Variants in TTN observed in about 807,000 individuals in gnomAD.
TTN encodes the protein titin, also known as connectin.
In TTN, 1,525 loss-of-function variants were observed where a neutral mutation model predicts 3,223.0. The ratio of observed to expected loss-of-function variants is 0.47; its 90% CI spans 0.45 to 0.49. The LOEUF is 0.49. Ranked by LOEUF, TTN falls within the 20% of genes least tolerant of loss-of-function variation. The pLI, the probability that TTN is intolerant of heterozygous loss-of-function variation, is 0.00. For missense variants in TTN, 40,786 were observed against 43,424.0 expected (o/e 0.94, Z 5.40); for synonymous variants, 14,094 against 15,161.0 (o/e 0.93, Z 5.17).
At chr2:178,796,501 T>C (rs539888743) in intron 6 of TTN, among the ~76,000 whole-genome samples, 1 of 152,234 alleles carries the variant, frequency 6.6e-6, no homozygotes, top group Non-Finnish European at 1.5e-5. Context: ...ATGGCTTTTT[T>C]TGTGTGAAAA....
chr2:178,775,811 A>G lies in TTN; in HGVS notation c.6053T>C (p.Leu2018Pro). ...GGATTCATCCTTCTTTCGAGACTTG[A>G]GCTCCACAGCGGTAATGGCTTCATA... ...GYYEAITAVE[L>P]KSRKKDESYE... Residue 2018 changes from leucine to proline, a missense_variant, in exon 28 of 363, where the codon CTC (leucine) becomes CCC (proline). By Grantham distance (98) the Leu-to-Pro change is moderately conservative. Coordinates refer to ENST00000589042, the MANE Select transcript of TTN (RefSeq NM_001267550.2). The G allele has an allele frequency of 6.2e-7, 1 of 1,613,516 alleles. No homozygotes were observed. Among genetic ancestry groups the G allele is most frequent in the Non-Finnish European group, 8.5e-7 (1 of 1,179,850 alleles).
rs370687831 is a variant in TTN, at chr2:178,588,078, G to A, written c.63329C>T (p.Ala21110Val). Residue 21110 changes from alanine to valine, a missense_variant, in exon 305 of 363, where the codon GCG (alanine) becomes GTG (valine). Physicochemically the swap from Ala to Val is moderately conservative, Grantham distance 64. Coordinates refer to ENST00000589042, the MANE Select transcript of TTN (RefSeq NM_001267550.2). ...VVEMRPKIADASPDEGWKRCN... is the reference protein window; with the variant it reads ...VVEMRPKIADVSPDEGWKRCN... ...CCGTTTCCAGCCTTCATCAGGAGAC[G>A]CATCTGCTATTTTTGGTCTCATTTC... 197 of 1,612,854 alleles carry A rather than the reference G, an allele frequency of 1.2e-4. No homozygotes were observed. Among genetic ancestry groups the A allele is most frequent in the Non-Finnish European group, 1.6e-4 (183 of 1,179,298 alleles).
chr2:178,609,838 C>T lies in TTN; in HGVS notation c.51585G>A (p.Lys17195=). ...EKIAKGEERW[K]RCNEHLVPIL... ...TTGGTACCAGGTGTTCATTGCATCT[C>T]TTCCACCTTTCTTCACCCTTAGCAA... The change falls in exon 272 of 363, where the codon AAG becomes AAA. Residue 17195 remains lysine, a synonymous_variant. Coordinates refer to ENST00000589042, the MANE Select transcript of TTN (RefSeq NM_001267550.2). The T allele has an allele frequency of 1.2e-6, 2 of 1,612,994 alleles. No individual in the cohort carries two copies. Among genetic ancestry groups the T allele is most frequent in the Non-Finnish European group, 1.7e-6 (2 of 1,179,268 alleles).
intron 2 of TTN, among the ~76,000 whole-genome samples, chr2:178,804,313 C>G (rs2094209913): frequency 6.6e-6 from 1 of 152,132 alleles, no homozygotes; most frequent in Admixed American, 6.6e-5. Context: ...TAATCCAACA[C>G]TAATTATTTT....
rs781076407 is a variant in TTN at position 178,566,163 on chromosome 2, C to A, written c.79969G>T (p.Asp26657Tyr). The A allele has an allele frequency of 1.5e-5, 25 of 1,613,550 alleles. No homozygotes were observed. Among genetic ancestry groups the A allele is most frequent in the Non-Finnish European group, 1.9e-5 (23 of 1,179,688 alleles). Reference protein sequence around the residue: ...QLSIDNCDRNDAGKYILKLEN... With the variant: ...QLSIDNCDRNYAGKYILKLEN... Reference sequence around the variant, plus strand: ...AACTTAAGAATGTATTTTCCAGCATCATTTCTATCACAGTTATCTATTGAT... The same window carrying A: ...AACTTAAGAATGTATTTTCCAGCATAATTTCTATCACAGTTATCTATTGAT... The change falls in exon 326 of 363, where the codon GAT (aspartate) becomes TAT (tyrosine). Residue 26657 changes from aspartate to tyrosine, a missense_variant. By Grantham distance (160) the Asp-to-Tyr change is radical. Coordinates refer to ENST00000589042, the MANE Select transcript of TTN (RefSeq NM_001267550.2).
In TTN at chr2:178,712,517, G is replaced by C; in HGVS notation, c.27405C>G (p.Phe9135Leu). The C allele has an allele frequency of 1.2e-6, 2 of 1,613,712 alleles. No individual in the cohort carries two copies. The highest frequency in any genetic ancestry group is 1.7e-6 in the Non-Finnish European group (2 of 1,179,762). Residue 9135 changes from phenylalanine (F) to leucine (L), a missense_variant, in exon 95 of 363, where the codon TTC becomes TTG. Coordinates refer to ENST00000589042, the MANE Select transcript of TTN (RefSeq NM_001267550.2). ...KGKPLILEGT[F>L]TGTPPISVTW... ...TAACCGAAATGGGAGGAGTTCCAGTGAATGTACCCTCTAGGATCAGGGGTT... is the reference window on the plus strand; with the variant it reads ...TAACCGAAATGGGAGGAGTTCCAGTCAATGTACCCTCTAGGATCAGGGGTT...
At chr2:178,644,272 A>G (rs752360596) in intron 218 of TTN, 51 of 292,652 alleles carry the variant, frequency 1.7e-4, no homozygotes, top group Non-Finnish European at 2.9e-4. Context: ...TTGGCTAACC[A>G]GTAAAATTTG....
In TTN at chr2:178,589,330, G is replaced by A; in HGVS notation, c.62395C>T (p.Pro20799Ser). ...TTGTCCTTGGTCCATGCAACTTCTG[G>A]GAATGGTTTGCCTCTAACCCCTGCC... ...LEAGVRGKPF[P>S]EVAWTKDKDA... Residue 20799 changes from proline to serine, a missense_variant, in exon 304 of 363, where the codon CCA becomes TCA. Transcript: ENST00000589042. 3.1e-6 allele frequency: 5 copies of A among 1,612,684 alleles called. No homozygotes were observed. The highest frequency in any genetic ancestry group is 4.2e-6 in the Non-Finnish European group (5 of 1,179,142).
In TTN at chr2:178,583,915, A is replaced by C. The variant is rs764622661; in HGVS notation, c.65276-9T>G. On this transcript the variant is annotated splice_polypyrimidine_tract_variant and intron_variant, in intron 311 of 362. Coordinates refer to ENST00000589042, the MANE Select transcript of TTN (RefSeq NM_001267550.2). ...AGGTTTCCCAGGAGGATCTAAAACA[A>C]AAAGAGGTACACTCACCATTTATCT... is the stretch of plus-strand genomic sequence containing the variant. 3 of 1,544,710 alleles carry C rather than the reference A, an allele frequency of 1.9e-6. No individual in the cohort carries two copies. The highest frequency in any genetic ancestry group is 2.6e-6 in the Non-Finnish European group (3 of 1,141,932).
chr2:178,540,239 C>A lies in TTN; in HGVS notation c.97927G>T (p.Asp32643Tyr), dbSNP rs188081737. 2.5e-6 allele frequency: 4 copies of A among 1,613,766 alleles called. No individual in the cohort carries two copies. In the South Asian group the frequency reaches 3.3e-5, roughly 13 times the overall value. Residue 32643 changes from aspartate (D) to tyrosine (Y), a missense_variant, in exon 351 of 363, where the codon GAT (aspartate) becomes TAT (tyrosine). Physicochemically the swap from Asp to Tyr is radical, Grantham distance 160 (BLOSUM62 -3). Transcript: ENST00000589042. The part of the protein sequence containing the change: ...TGYLIEMQKV[D>Y]QHEWTKCNTT... Reference sequence around the variant, plus strand: ...TTACACTTGGTCCATTCATGTTGATCTACTTTTTGCATTTCAATCAAGTAG... The same window carrying A: ...TTACACTTGGTCCATTCATGTTGATATACTTTTTGCATTTCAATCAAGTAG...
intron 115 of TTN, 123 bp downstream of exon 115, chr2:178,695,225 C>T (rs541095714): frequency 3.0e-6 from 2 of 669,040 alleles, no homozygotes; most frequent in Admixed American, 3.0e-5. Context: ...AAATCATTCA[C>T]AATAAAGCTT....
rs527850233 is a variant in TTN at position 178,723,485 on chromosome 2, C to T, written c.21615G>A (p.Gly7205=). The T allele has an allele frequency of 5.6e-6, 9 of 1,613,242 alleles. No homozygotes were observed. The South Asian group carries it at 9.9e-5, about 18-fold the overall frequency. The change falls in exon 74 of 363, where the codon GGG becomes GGA. Residue 7205 remains glycine (G), a synonymous_variant. Transcript: ENST00000589042. ...ELFNIDISQS[G]EYTCVVSNNA... is the part of the protein sequence containing the mutation. ...TGTTAGAAACCACACAGGTGTATTC[C>T]CCACTCTGAGATATGTCAATATTAA...
rs1218286270 is a variant in TTN at position 178,573,487 on chromosome 2, A to C, written c.72645T>G (p.Leu24215=). ...VGEPLESEPV[L]AVNPYGPPDP... is the part of the protein sequence containing the mutation. ...CAGGGGGTCCATAAGGATTCACTGC[A>C]AGCACAGGCTCTGATTCCAGTGGCT... The change falls in exon 326 of 363, where the codon CTT becomes CTG. Residue 24215 remains leucine (L), a synonymous_variant. Coordinates refer to ENST00000589042, the MANE Select transcript of TTN (RefSeq NM_001267550.2). 10 of 1,504,360 alleles carry C rather than the reference A, an allele frequency of 6.6e-6. No homozygotes were observed. Among genetic ancestry groups the C allele is most frequent in the Non-Finnish European group, 8.0e-6 (9 of 1,130,580 alleles). The allele number at this position is 1,504,360 out of a possible 1,614,324, so 93.2% of individuals were successfully genotyped here. A position where few individuals can be genotyped will look rare whatever the true frequency, so the allele number is the denominator to read the frequency against.
intron 314 of TTN, 38 bp downstream of exon 314, chr2:178,582,258 A>C (rs1239876326): frequency 6.3e-7 from 1 of 1,576,036 alleles, no homozygotes; most frequent in African/African-American, 1.4e-5. Context: ...AGATAATTTT[A>C]AAAAATAAAA....
rs1225875807 is a variant in TTN, at chr2:178,574,117, T to A, written c.72015A>T (p.Ala24005=). The part of the protein sequence containing the change: ...YEFRVIAKNA[A]GAISPPSEPS... ...GCTCAGATGGTGGACTGATGGCACC[T>A]GCAGCATTTTTGGCGATCACACGGA... The change falls in exon 326 of 363, where the codon GCA becomes GCT. Residue 24005 remains alanine (A), a synonymous_variant. Coordinates refer to ENST00000589042, the MANE Select transcript of TTN (RefSeq NM_001267550.2). 1.9e-6 allele frequency: 3 copies of A among 1,613,610 alleles called. No homozygotes were observed.
At position 178,613,207 on chromosome 2, in the gene TTN, T is replaced by C; in HGVS notation, c.49602A>G (p.Gly16534=). 2 of 1,611,626 alleles carry C rather than the reference T, an allele frequency of 1.2e-6. No individual in the cohort carries two copies. Among genetic ancestry groups the C allele is most frequent in the Non-Finnish European group, 1.7e-6 (2 of 1,178,888 alleles). ...TTGGTTCAGTTGATTTGCTTGGTTT[T>C]CCAGGTCCAGCAAGATTTTCAGCCA... ...RVLAENLAGP[G]KPSKSTEPIL... is the part of the protein sequence containing the mutation. The change falls in exon 264 of 363, where the codon GGA becomes GGG. Residue 16534 remains glycine (G), a synonymous_variant. Transcript: ENST00000589042.
At position 178,781,027 on chromosome 2, in the gene TTN, T is replaced by G. The variant is rs945463339; in HGVS notation, c.3523+94A>C. On this transcript the variant is annotated intron_variant, in intron 21 of 362. Transcript: ENST00000589042. ...CACTGGGGCAAAGTATCAGAACCAGTAAGTGGCAACAGGTTTTTCAGCAAA... is the reference window on the plus strand; with the variant it reads ...CACTGGGGCAAAGTATCAGAACCAGGAAGTGGCAACAGGTTTTTCAGCAAA... 1.9e-6 allele frequency: 3 copies of G among 1,559,420 alleles called. No individual in the cohort carries two copies. In the African/African-American group the frequency reaches 4.1e-5, roughly 21 times the overall value.
At position 178,589,094 on chromosome 2, in the gene TTN, G is replaced by A. The variant is rs1160790205; in HGVS notation, c.62631C>T (p.Ser20877=). Residue 20877 remains serine, a synonymous_variant, in exon 304 of 363, where the codon TCC becomes TCT. Coordinates refer to ENST00000589042, the MANE Select transcript of TTN (RefSeq NM_001267550.2). ...PVRNLKIVDV[S]SDRCTVCWDP... is the part of the protein sequence containing the mutation. ...CCCAGCAAACAGTACACCTATCACT[G>A]GACACATCAACAATTTTCAGATTTC... 6.2e-7 allele frequency: 1 copy of A among 1,610,278 alleles called. No homozygotes were observed. Among genetic ancestry groups the A allele is most frequent in the Non-Finnish European group, 8.5e-7 (1 of 1,179,552 alleles).
Position 178,565,335 on chromosome 2 carries a change from T to G in TTN, c.80797A>C (p.Thr26933Pro). Reference protein sequence around the residue: ...TTRVNVEETATSTVLHIKEGN... With the variant: ...TTRVNVEETAPSTVLHIKEGN... ...TCTTTAATGTGCAAAACAGTTGAGG[T>G]AGCTGTTTCTTCAACGTTTACTCTT... Residue 26933 changes from threonine (T) to proline (P), a missense_variant, in exon 326 of 363, where the codon ACC becomes CCC. Thr to Pro is a conservative substitution (Grantham distance 38). Coordinates refer to ENST00000589042, the MANE Select transcript of TTN (RefSeq NM_001267550.2). The G allele has an allele frequency of 1.2e-6, 2 of 1,613,652 alleles. No homozygotes were observed. The highest frequency in any genetic ancestry group is 4.5e-5 in the East Asian group (2 of 44,848).
Sources: gnomAD v4.1 joint callset for allele counts (sites outside exome capture counted in the v4.1 genomes callset) on GRCh38, gnomAD v4.1.1 for gene constraint, MANE v1.5 for transcripts, NCBI Gene and HGNC (gene_info 2026-07-23, HGNC 2026-07-21) for gene names.